CTNNA2: variants seen among roughly 807,000 people sequenced by gnomAD.
The protein encoded by CTNNA2 is catenin alpha-2.
In CTNNA2, 42 loss-of-function variants were observed where a neutral mutation model predicts 101.0. That is an observed-to-expected ratio of 0.42 (90% confidence interval 0.32 to 0.54). The LOEUF (loss-of-function observed/expected upper bound fraction) is 0.54. Ranked by LOEUF, CTNNA2 falls within the 20% of genes least tolerant of loss-of-function variation. CTNNA2 has a pLI of 0.14. For missense variants in CTNNA2, 871 were observed against 1,223.1 expected (o/e 0.71, Z 4.29); for synonymous variants, 450 against 456.4 (o/e 0.99, Z 0.18).
chr2:80,503,439 C>T (rs1688032410), intron 9 of CTNNA2, among the ~76,000 whole-genome samples: 2 of 152,130 alleles, frequency 1.3e-5, no homozygotes, highest in East Asian at 1.9e-4. Flanking sequence ...GCATTATAGC[C>T]TCTGTTTTGA....
chr2:79,727,305 G>A (rs1184845543), intron 2 of CTNNA2, among the ~76,000 whole-genome samples: 1 of 152,138 alleles, frequency 6.6e-6, no homozygotes. Context: ...AGAAAAGCAT[G>A]GCATGTGTTG....
chr2:79,926,682 T>C (rs1389727082), intron 7 of CTNNA2, among the ~76,000 whole-genome samples: 1 of 151,850 alleles, frequency 6.6e-6, no homozygotes, highest in Non-Finnish European at 1.5e-5. Flanking sequence ...CTGACAAGGG[T>C]AAGGGCAATT....
chr2:79,535,311 T>A (rs1672987911), intron 1 of CTNNA2, among the ~76,000 whole-genome samples: 1 of 152,224 alleles, frequency 6.6e-6, no homozygotes, highest in East Asian at 1.9e-4. Context: ...TTCAAGTGAT[T>A]CTCCTGCCTC....
intron 7 of CTNNA2, among the ~76,000 whole-genome samples, chr2:80,069,965 A>G (rs571909523): frequency 5.3e-5 from 8 of 152,286 alleles, no homozygotes; most frequent in African/African-American, 1.9e-4. Flanking sequence ...ATTCACTTTA[A>G]TCACAGGGCA....
intron 9 of CTNNA2, among the ~76,000 whole-genome samples, chr2:80,498,270 T>C (rs1037523660): frequency 2.6e-5 from 4 of 152,220 alleles, no homozygotes; most frequent in Non-Finnish European, 5.9e-5. Flanking sequence ...GACATGGCCA[T>C]GGCCTACATG....
intron 1 of CTNNA2, among the ~76,000 whole-genome samples, chr2:79,596,608 C>T (rs79508191): frequency 0.05 from 7,543 of 152,214 alleles, 595 homozygotes; most frequent in African/African-American, 0.17. Context: ...TGTCAGAGAG[C>T]ATCTGCAAAA....
rs556506209 is a variant in CTNNA2 at position 79,206,125 on chromosome 2, T to C, written c.-406+8049T>C. The stretch of plus-strand genomic sequence containing the variant: ...CATTTTTGTTCATTTATTTACCAAA[T>C]GACTGTGTACTTTATAGGCATTACT... On this transcript the variant is annotated intron_variant, in intron 2 of 21. Transcript: ENST00000466387. 1.4e-3 allele frequency among the ~76,000 whole-genome samples: 220 copies of C among 152,338 alleles called. 1 individual carries two copies. The highest frequency in any genetic ancestry group is 4.8e-3 in the African/African-American group (199 of 41,580).
rs190766831 is a variant in CTNNA2, at chr2:79,706,310, C to T, written c.103-38077C>T. Among the ~76,000 whole-genome samples the T allele has an allele frequency of 5.4e-3, 789 of 144,792 alleles. 26 individuals are homozygous for T. In the East Asian group the frequency reaches 0.069, roughly 13 times the overall value. The allele number at this position is 144,792 out of a possible 152,430, so 95.0% of individuals were successfully genotyped here. ...CCCGGGAGGCGGAGCTTGCAGTGAG[C>T]CGAGATCACGCCACTGCACTCCGCC... On this transcript the variant is annotated intron_variant, in intron 2 of 18. Coordinates refer to ENST00000402739, the MANE Select transcript of CTNNA2 (RefSeq NM_001282597.3).
chr2:80,338,344 G>A (rs1671940615), intron 7 of CTNNA2, among the ~76,000 whole-genome samples: 1 of 151,076 alleles, frequency 6.6e-6, no homozygotes. Context: ...AATGGGAGGG[G>A]AGAAAGGATT....
At chr2:80,462,055 T>C (rs1050746766) in intron 9 of CTNNA2, among the ~76,000 whole-genome samples, 2 of 152,228 alleles carry the variant, frequency 1.3e-5, no homozygotes, top group African/African-American at 2.4e-5. Flanking sequence ...ACTTTGATTA[T>C]GTACAGTGCC....
intron 3 of CTNNA2, among the ~76,000 whole-genome samples, chr2:79,802,459 G>T (rs1046578085): frequency 6.6e-6 from 1 of 152,252 alleles, no homozygotes; most frequent in Admixed American, 6.5e-5. Context: ...CTGCTTGTTT[G>T]GTGATCCTTC....
intron 9 of CTNNA2, among the ~76,000 whole-genome samples, chr2:80,440,928 A>G (rs1202130001): frequency 6.6e-6 from 1 of 152,174 alleles, no homozygotes; most frequent in Non-Finnish European, 1.5e-5. Flanking sequence ...TCCCAGGGTT[A>G]CTTGGAAGCA....
intron 4 of CTNNA2, among the ~76,000 whole-genome samples, chr2:79,401,835 T>C (rs1678293645): frequency 6.6e-6 from 1 of 151,524 alleles, no homozygotes; most frequent in Admixed American, 6.6e-5. Flanking sequence ...AATATATACC[T>C]TTTAAAAAGT....
intron 7 of CTNNA2, among the ~76,000 whole-genome samples, chr2:80,178,993 T>C (rs1340374452): frequency 5.3e-5 from 8 of 152,296 alleles, no homozygotes; most frequent in East Asian, 1.9e-4. Flanking sequence ...TGATATCTTG[T>C]GGAAGGGAAA....
In CTNNA2 at chr2:80,615,858, T is replaced by C. The variant is rs117881981; in HGVS notation, c.2431-3227T>C. 4.0e-5 allele frequency among the ~76,000 whole-genome samples: 6 copies of C among 151,804 alleles called. No individual in the cohort carries two copies. In the East Asian group the frequency reaches 1.2e-3, roughly 30 times the overall value. ...TTCCGGATGGGCAATGTGGAGTTTC[T>C]TTGTTCAGATTTCTTTTACTGCATC... On this transcript the variant is annotated intron_variant, in intron 17 of 18. Transcript: ENST00000402739.
At position 80,560,937 on chromosome 2, in the gene CTNNA2, A is replaced by G. The variant is rs565114667; in HGVS notation, c.1741+5044A>G. ...AATGAATACCAAAAATGAGAACTTT[A>G]CACTTTGTCTTTTTTTTCTGTAGAA... On this transcript the variant is annotated intron_variant, in intron 12 of 18. Transcript: ENST00000402739. Among the ~76,000 whole-genome samples the G allele has an allele frequency of 2.3e-4, 35 of 152,206 alleles. No homozygotes were observed. In the Middle Eastern group the frequency reaches 0.01, roughly 44 times the overall value.
intron 3 of CTNNA2, among the ~76,000 whole-genome samples, chr2:79,372,268 C>T (rs1045638905): frequency 3.3e-5 from 5 of 152,064 alleles, no homozygotes; most frequent in Middle Eastern, 3.2e-3. Flanking sequence ...GAACGAAGTC[C>T]CTCTTTCTAA....
chr2:79,399,103 G>A (rs142767162), intron 4 of CTNNA2, among the ~76,000 whole-genome samples: 1 of 152,050 alleles, frequency 6.6e-6, no homozygotes, highest in Admixed American at 6.6e-5. Flanking sequence ...CAGACTCAGA[G>A]TTAGCTTAGT....
chr2:79,913,195 C>T (rs185133872), intron 7 of CTNNA2, among the ~76,000 whole-genome samples: 4 of 151,802 alleles, frequency 2.6e-5, no homozygotes, highest in African/African-American at 7.3e-5. Flanking sequence ...AGTTAGAGGA[C>T]GCTGGGTAGT....
Sources: gnomAD v4.1 joint callset for allele counts (sites outside exome capture counted in the v4.1 genomes callset) on GRCh38, gnomAD v4.1.1 for gene constraint, MANE v1.5 for transcripts, NCBI Gene and HGNC (gene_info 2026-07-23, HGNC 2026-07-21) for gene names.